Variants in FUZ observed in about 807,000 individuals in gnomAD.
FUZ encodes protein fuzzy homolog.
FUZ carries 31 observed loss-of-function variants against 43.1 expected under a neutral mutation model. The observed-to-expected ratio is 0.72, with a 90% CI of 0.54 to 0.97. The LOEUF (loss-of-function observed/expected upper bound fraction) is 0.97. Among genes scored for constraint, FUZ ranks in the 50% least tolerant of loss-of-function variants. FUZ has a pLI of 0.00. For missense variants in FUZ, 539 were observed against 543.8 expected, an observed-to-expected ratio of 0.99 and a Z score of 0.09; for synonymous variants, 274 against 250.0, an observed-to-expected ratio of 1.10 and a Z score of -0.91.
At position 49,811,390 on chromosome 19, in the gene FUZ, C is replaced by T. The variant is rs748853432; in HGVS notation, c.465G>A (p.Val155=). The T allele has an allele frequency of 2.1e-5, 34 of 1,611,934 alleles. No individual in the cohort carries two copies. In the Admixed American group the frequency reaches 5.7e-4, roughly 27 times the overall value. Residue 155 remains valine, a synonymous_variant, in exon 5 of 11, where the codon GTG becomes GTA. Coordinates refer to ENST00000313777, the MANE Select transcript of FUZ (RefSeq NM_025129.5). ...IGDLTQCVDC[V]IPPEGSLLQE... Reference sequence around the variant, plus strand: ...GCAAGAGGGACCCCTCTGGAGGAATCACGCAGTCCACACACTGGGTCAGGT... The same window carrying T: ...GCAAGAGGGACCCCTCTGGAGGAATTACGCAGTCCACACACTGGGTCAGGT...
At chr19:49,811,765 G>A (rs2073807246) in intron 3 of FUZ, 66 bp from the exon 4 acceptor site, 1 of 1,334,222 alleles carries the variant, frequency 7.5e-7, no homozygotes, top group Non-Finnish European at 1.1e-6. Flanking sequence ...TCTGAAGGAA[G>A]AGGGGGCTGG....
intron 5 of FUZ, among the ~76,000 whole-genome samples, chr19:49,810,619 C>A (rs954670753): frequency 1.1e-4 from 16 of 144,514 alleles, no homozygotes; most frequent in African/African-American, 4.2e-4. Context: ...GCAGAGGTTG[C>A]AGTGAGCCAA....
chr19:49,812,960 C>T, intron 1 of FUZ, 36 bp downstream of exon 1: 2 of 1,510,892 alleles, frequency 1.3e-6, no homozygotes, highest in Non-Finnish European at 1.8e-6. Context: ...AACACCGAAC[C>T]CCCTTCGGTT....
chr19:49,812,463 G>A, intron 2 of FUZ, 128 bp from the exon 3 acceptor site: 1 of 1,324,184 alleles, frequency 7.6e-7, no homozygotes, highest in South Asian at 1.2e-5. Context: ...TTCTTATAGA[G>A]AACATCAGGG....
At chr19:49,811,814 T>C in intron 3 of FUZ, 115 bp from the exon 4 acceptor site, 1 of 924,580 alleles carries the variant, frequency 1.1e-6, no homozygotes, top group Non-Finnish European at 1.8e-6. Flanking sequence ...GGAGTCAAGA[T>C]TCCTGGGTTC....
chr19:49,808,997 G>A (rs375876672), intron 7 of FUZ, 166 bp downstream of exon 7: 1 of 867,966 alleles, frequency 1.2e-6, no homozygotes, highest in Non-Finnish European at 1.9e-6. Context: ...GAAGAATAGA[G>A]GCAGAGGCGG....
At chr19:49,812,516 T>A (rs2305918) in intron 2 of FUZ, 99 bp downstream of exon 2, 698,811 of 1,548,720 alleles carry the variant, frequency 0.45, 160,716 homozygotes, top group Middle Eastern at 0.58. Flanking sequence ...CATAGCCAAA[T>A]TAACAGCTGC....
chr19:49,811,042 T>G, intron 5 of FUZ: 1 of 402,614 alleles, frequency 2.5e-6, no homozygotes, highest in Non-Finnish European at 4.6e-6. Context: ...TCCCAGCTGC[T>G]CGGGAAGCTG....
rs766980819 is a variant in FUZ, at chr19:49,808,798, A to G, written c.812T>C (p.Leu271Pro). ...CAGACAGGCCCGCAACGGGTCCAGC[A>G]GTGGCTGCCACCAGCGCTCCAGAAG... ...PQLLERWWQP[L>P]LDPLRACLPL... Residue 271 changes from leucine (L) to proline (P), a missense_variant, in exon 8 of 11, where the codon CTG becomes CCG. Coordinates refer to ENST00000313777, the MANE Select transcript of FUZ (RefSeq NM_025129.5). 1.3e-6 allele frequency: 2 copies of G among 1,554,124 alleles called. No homozygotes were observed. Among genetic ancestry groups the G allele is most frequent in the Non-Finnish European group, 1.7e-6 (2 of 1,149,720 alleles).
intron 7 of FUZ, 135 bp from the exon 8 acceptor site, chr19:49,808,958 A>G: frequency 1.1e-6 from 1 of 875,090 alleles, no homozygotes; most frequent in Non-Finnish European, 1.8e-6. Flanking sequence ...GGCGGAGGGC[A>G]GAAGGGACTG....
At position 49,807,124 on chromosome 19, in the gene FUZ, C is replaced by G. The variant is rs1568594958; in HGVS notation, c.*27G>C. The G allele has an allele frequency of 6.2e-7, 1 of 1,603,374 alleles. No individual in the cohort carries two copies. Among genetic ancestry groups the G allele is most frequent in the South Asian group, 1.1e-5 (1 of 90,804 alleles). ...CAGAGAGACGCTAACAGCCCCATGT[C>G]TGTGTCCATCACCCACTGCTAGGTA... On this transcript the variant is annotated 3_prime_UTR_variant, in exon 11 of 11. Transcript: ENST00000313777.
intron 5 of FUZ, chr19:49,811,001 AT>A (rs1270731163): frequency 5.5e-6 from 2 of 361,958 alleles, no homozygotes; most frequent in Non-Finnish European, 1.1e-5. Flanking sequence ...AATACAAAAA[AT>A]TAGCCGGGCG....
rs181808339 is a variant in FUZ, at chr19:49,808,020, C to T, written c.1033+394G>A. On this transcript the variant is annotated intron_variant, in intron 10 of 10. Transcript: ENST00000313777. The stretch of plus-strand genomic sequence containing the variant: ...GACTGTGTGGATATGGGAGCAAGAT[C>T]CCCTGTGTTCAAATATGGCTCTGCC... The T allele has an allele frequency of 8.6e-5, 31 of 358,966 alleles. No individual in the cohort carries two copies. In the East Asian group the frequency reaches 2.2e-3, roughly 25 times the overall value. The allele number at this position is 358,966 out of a possible 1,614,324, so 22.2% of individuals were successfully genotyped here. A position where few individuals can be genotyped will look rare whatever the true frequency, so the allele number is the denominator to read the frequency against.
At position 49,809,212 on chromosome 19, in the gene FUZ, A is replaced by G; in HGVS notation, c.737T>C (p.Leu246Pro). 2 of 1,551,404 alleles carry G rather than the reference A, an allele frequency of 1.3e-6. No homozygotes were observed. The highest frequency in any genetic ancestry group is 1.7e-6 in the Non-Finnish European group (2 of 1,147,086). ...TGGGCTCGGCCCGCAGAGTAGACAC[A>G]GCTCCAGGCTCGGCAGCAGAGTCAG... ...LTLTLLPSLE[L>P]CLLCGPSPPL... The change falls in exon 7 of 11, where the codon CTG becomes CCG. Residue 246 changes from leucine (L) to proline (P), a missense_variant. Leu to Pro is a moderately conservative substitution (Grantham distance 98). Coordinates refer to ENST00000313777, the MANE Select transcript of FUZ (RefSeq NM_025129.5). This position sits in a 1 kb window ranked among gnomAD's most constrained non-coding sequence, Gnocchi z 5.1.
intron 1 of FUZ, 74 bp from the exon 2 acceptor site, chr19:49,812,810 C>G: frequency 6.3e-7 from 1 of 1,579,752 alleles, no homozygotes; most frequent in Non-Finnish European, 8.6e-7. Context: ...AGTGTGCCAG[C>G]TCCCAGCCCC....
At chr19:49,807,551 A>G (rs547003315) in intron 10 of FUZ, among the ~76,000 whole-genome samples, 177 bp from the exon 11 acceptor site, 74 of 152,198 alleles carry the variant, frequency 4.9e-4, no homozygotes, top group Middle Eastern at 3.4e-3. Context: ...GAAGACCACA[A>G]TGATGTCACT....
Position 49,809,413 on chromosome 19 carries a change from C to T in FUZ, c.655G>A (p.Asp219Asn), listed in dbSNP as rs778873042. Residue 219 changes from aspartate (D) to asparagine (N), a missense_variant, in exon 6 of 11, where the codon GAC becomes AAC. Coordinates refer to ENST00000313777, the MANE Select transcript of FUZ (RefSeq NM_025129.5). The surrounding 1 kb of genome is among the most constrained non-coding windows in gnomAD (Gnocchi z 5.1). The stretch of plus-strand genomic sequence containing the variant: ...CCGTGCGGCAGGTACACCGGGTAGT[C>T]GCGAGCGGTCTGCGGCGGCAGGGAC... ...VGSLPPQTARDYPVYLPHGSP... is the reference protein window; with the variant it reads ...VGSLPPQTARNYPVYLPHGSP... 10 of 1,543,328 alleles carry T rather than the reference C, an allele frequency of 6.5e-6. No individual in the cohort carries two copies. In the East Asian group the frequency reaches 2.4e-4, roughly 38 times the overall value.
Position 49,808,714 on chromosome 19 carries a change from T to G in FUZ, c.893+3A>C. The G allele has an allele frequency of 6.3e-7, 1 of 1,594,462 alleles. No individual in the cohort carries two copies. The highest frequency in any genetic ancestry group is 8.5e-7 in the Non-Finnish European group (1 of 1,170,532). ...CGACCCACTCCCTCCATCCGAGCCC[T>G]ACCCGAGGATGTCTGTGTGAAGGGG... On this transcript the variant is annotated splice_donor_region_variant and intron_variant, in intron 8 of 10. Transcript: ENST00000313777.
At chr19:49,811,496 G>A (rs1568607916) in intron 4 of FUZ, 29 bp from the exon 5 acceptor site, 1 of 1,601,568 alleles carries the variant, frequency 6.2e-7, no homozygotes, top group Non-Finnish European at 8.6e-7. Context: ...ACCAGCCTAG[G>A]ATTCAAGTGG....
Sources: allele counts gnomAD v4.1 joint callset (sites outside exome capture counted in the v4.1 genomes callset), GRCh38; gene constraint gnomAD v4.1.1; non-coding constraint Gnocchi (gnomAD v3.1); transcripts MANE v1.5; gene names NCBI Gene and HGNC (gene_info 2026-07-23, HGNC 2026-07-21).